The following TMEM266 variants were observed in gnomAD, a reference collection of about 807,000 sequenced individuals.
TMEM266 encodes transmembrane protein 266.
Under a neutral mutation model 50.5 loss-of-function variants are expected in TMEM266, and 33 were observed. The observed-to-expected ratio is 0.65, with a 90% CI of 0.50 to 0.87. The LOEUF is 0.87. Ranked by LOEUF, TMEM266 falls within the 40% of genes least tolerant of loss-of-function variation. TMEM266 has a pLI of 0.00. For missense variants in TMEM266, 655 were observed against 695.1 expected, an observed-to-expected ratio of 0.94 and a Z score of 0.65; for synonymous variants, 310 against 292.3, an observed-to-expected ratio of 1.06 and a Z score of -0.62.
At chr15:76,146,690 C>G (rs1223113053) in intron 3 of TMEM266, among the ~76,000 whole-genome samples, 1 of 152,106 alleles carries the variant, frequency 6.6e-6, no homozygotes, top group East Asian at 1.9e-4. Context: ...AGACTGGGGA[C>G]AAAGAAAAAG....
Position 76,120,305 on chromosome 15 carries a change from A to G in TMEM266, c.-96-13863A>G, listed in dbSNP as rs573489929. Reference sequence around the variant, plus strand: ...CCATGGAATATATTATACAGCCACTAATAAAAGAATGAATTAGAGTTTTAC... The same window carrying G: ...CCATGGAATATATTATACAGCCACTGATAAAAGAATGAATTAGAGTTTTAC... On this transcript the variant is annotated intron_variant, in intron 1 of 10. Transcript: ENST00000388942. 2.2e-3 allele frequency among the ~76,000 whole-genome samples: 337 copies of G among 152,282 alleles called. 2 individuals carry two copies. The highest frequency in any genetic ancestry group is 4.0e-3 in the Admixed American group (61 of 15,296).
At chr15:76,173,625 G>A (rs1034197372) in intron 7 of TMEM266, among the ~76,000 whole-genome samples, 9 of 152,138 alleles carry the variant, frequency 5.9e-5, no homozygotes, top group African/African-American at 1.2e-4. Context: ...ACACAGAAGC[G>A]TATTTCATTC....
intron 1 of TMEM266, among the ~76,000 whole-genome samples, chr15:76,098,764 C>A (rs1318061720): frequency 2.0e-5 from 3 of 150,474 alleles, no homozygotes; most frequent in Middle Eastern, 3.4e-3. Context: ...GCCTTTTTTT[C>A]AGAGATGTCC....
chr15:76,145,661 A>G (rs1204861976), intron 3 of TMEM266, among the ~76,000 whole-genome samples: 1 of 152,268 alleles, frequency 6.6e-6, no homozygotes, highest in Non-Finnish European at 1.5e-5. Flanking sequence ...GATCATCCAC[A>G]GCTTTTAAGG....
At chr15:76,079,461 A>G (rs915078009) in intron 1 of TMEM266, among the ~76,000 whole-genome samples, 4 of 144,368 alleles carry the variant, frequency 2.8e-5, no homozygotes, top group East Asian at 2.0e-4. Flanking sequence ...TATGACCTCA[A>G]CTAGTTACCT....
chr15:76,137,392 G>A (rs1451354657), intron 2 of TMEM266, among the ~76,000 whole-genome samples: 3 of 152,160 alleles, frequency 2.0e-5, no homozygotes, highest in African/African-American at 4.8e-5. Context: ...ATAGTTTTGC[G>A]GGCTGGCAGT....
intron 9 of TMEM266, among the ~76,000 whole-genome samples, chr15:76,197,027 G>A (rs973621885): frequency 7.9e-5 from 12 of 152,200 alleles, no homozygotes; most frequent in Admixed American, 1.3e-4. Flanking sequence ...GGGAACCTTC[G>A]CGTCCCCCAC....
At chr15:76,093,000 G>T (rs1287801365) in intron 1 of TMEM266, among the ~76,000 whole-genome samples, 1 of 151,028 alleles carries the variant, frequency 6.6e-6, no homozygotes, top group Non-Finnish European at 1.5e-5. Flanking sequence ...TAGAGACGGG[G>T]TTTCACCATA....
At chr15:76,117,410 C>T (rs114704578) in intron 1 of TMEM266, among the ~76,000 whole-genome samples, 1,529 of 152,150 alleles carry the variant, frequency 0.01, 25 homozygotes, top group African/African-American at 0.035. Flanking sequence ...TTTATTTACA[C>T]GTGGCAAAAC....
At chr15:76,165,877 TCTC>T (rs1198645423) in intron 5 of TMEM266, among the ~76,000 whole-genome samples, 1 of 152,210 alleles carries the variant, frequency 6.6e-6, no homozygotes, top group Non-Finnish European at 1.5e-5. Context: ...GGGCCTGTGG[TCTC>T]CTGTTGTAAC....
At chr15:76,202,445 T>TG (rs955321445) in intron 10 of TMEM266, among the ~76,000 whole-genome samples, 181 bp downstream of exon 10, 3 of 152,172 alleles carry the variant, frequency 2.0e-5, no homozygotes, top group East Asian at 1.9e-4. Flanking sequence ...GCACTGGAGC[T>TG]GGGGGTCCCC....
In TMEM266 at chr15:76,139,877, A is replaced by G. The variant is rs545208717; in HGVS notation, c.227+1982A>G. On this transcript the variant is annotated intron_variant, in intron 3 of 10. Coordinates refer to ENST00000388942, the MANE Select transcript of TMEM266 (RefSeq NM_152335.3). The surrounding 1 kb of genome is among the most constrained non-coding windows in gnomAD (Gnocchi z 4.1). ...GTGCGTGTTACGGCACCGCGGGTGG[A>G]CCTTGCTATGGGTGTTCCCCCACCA... Among the ~76,000 whole-genome samples, 1 of 152,234 alleles carries G rather than the reference A, an allele frequency of 6.6e-6. No individual in the cohort carries two copies. The highest frequency in any genetic ancestry group is 6.5e-5 in the Admixed American group (1 of 15,286).
chr15:76,141,682 C>G (rs1248738504), intron 3 of TMEM266, among the ~76,000 whole-genome samples: 2 of 152,190 alleles, frequency 1.3e-5, no homozygotes, highest in African/African-American at 4.8e-5. Context: ...CAGCATGCAT[C>G]TCCAGAACTC....
chr15:76,110,944 C>A (rs1261401363), intron 1 of TMEM266, among the ~76,000 whole-genome samples: 2 of 152,170 alleles, frequency 1.3e-5, no homozygotes, highest in Non-Finnish European at 2.9e-5. Flanking sequence ...TACTATTACA[C>A]CCTTGTTAGA....
chr15:76,204,120 C>G lies in TMEM266; in HGVS notation c.1401C>G (p.Ser467Arg). ...RPSPAGSAQT[S>R]PELEHRVSLF... The stretch of plus-strand genomic sequence containing the variant: ...ACCCAGCCCCCCTCGCCCGGCCCAG[C>G]CCAGCGGGCTCGGCCCAAACCAGCC... The change falls in exon 11 of 11, where the codon AGC becomes AGG. Residue 467 changes from serine to arginine, a missense_variant. Physicochemically the swap from Ser to Arg is moderately radical, Grantham distance 110 (BLOSUM62 -1). This residue lies in a region of TMEM266 where 455 missense variants were observed against 401.8 expected (regional missense o/e 1.13). Coordinates refer to ENST00000388942, the MANE Select transcript of TMEM266 (RefSeq NM_152335.3). 1 of 1,613,056 alleles carries G rather than the reference C, an allele frequency of 6.2e-7. No individual in the cohort carries two copies. Among genetic ancestry groups the G allele is most frequent in the South Asian group, 1.1e-5 (1 of 91,068 alleles).
intron 1 of TMEM266, among the ~76,000 whole-genome samples, chr15:76,103,585 C>G (rs1267949963): frequency 1.3e-5 from 2 of 152,052 alleles, no homozygotes; most frequent in Non-Finnish European, 2.9e-5. Context: ...GTTGGATCCA[C>G]AAGTTTGGAA....
At chr15:76,086,929 G>GGC (rs1555445649) in intron 1 of TMEM266, among the ~76,000 whole-genome samples, 3 of 33,926 alleles carry the variant, frequency 8.8e-5, no homozygotes, top group African/African-American at 3.0e-4. Context: ...GGAGCAGGTC[G>GGC]GGGGGGGGGC....
chr15:76,116,896 CTTTTT>C (rs143849730), intron 1 of TMEM266, among the ~76,000 whole-genome samples: 2 of 131,654 alleles, frequency 1.5e-5, no homozygotes, highest in Non-Finnish European at 3.3e-5. Context: ...AGCATATCTT[CTTTTT>C]TTTTTTTTTT....
Position 76,203,935 on chromosome 15 carries a change from G to A in TMEM266, c.1216G>A (p.Gly406Ser). The A allele has an allele frequency of 6.2e-7, 1 of 1,614,008 alleles. No individual in the cohort carries two copies. Among genetic ancestry groups the A allele is most frequent in the Non-Finnish European group, 8.5e-7 (1 of 1,180,010 alleles). The change falls in exon 11 of 11, where the codon GGC (glycine) becomes AGC (serine). Residue 406 changes from glycine (G) to serine (S), a missense_variant. Physicochemically the swap from Gly to Ser is moderately conservative, Grantham distance 56 (BLOSUM62 0). This residue lies in a region of TMEM266 where 455 missense variants were observed against 401.8 expected (regional missense o/e 1.13). Coordinates refer to ENST00000388942, the MANE Select transcript of TMEM266 (RefSeq NM_152335.3). ...CCAGAGTGACAGCAGCCAGACGCTG[G>A]GCTCCTCCATGGACTGCAGCACTGC...
Sources: allele counts gnomAD v4.1 joint callset (sites outside exome capture counted in the v4.1 genomes callset), GRCh38; gene constraint gnomAD v4.1.1; regional missense constraint gnomAD v4.1.1; non-coding constraint Gnocchi (gnomAD v3.1); transcripts MANE v1.5; gene names NCBI Gene and HGNC (gene_info 2026-07-23, HGNC 2026-07-21).